PCDHGA5: variants seen among roughly 807,000 people sequenced by gnomAD.
The protein encoded by PCDHGA5 is protocadherin gamma-A5.
PCDHGA5 carries 36 observed loss-of-function variants against 56.7 expected under a neutral mutation model. The observed-to-expected ratio is 0.64, with a 90% CI of 0.49 to 0.84. PCDHGA5 has a LOEUF of 0.84. PCDHGA5 is among the 40% of genes least tolerant of loss of function. The pLI is 0.00. For missense variants in PCDHGA5, 1,305 were observed against 1,201.5 expected (o/e 1.09, Z -1.27); for synonymous variants, 563 against 520.2 (o/e 1.08, Z -1.12).
Position 141,380,667 on chromosome 5 carries a change from T to C in PCDHGA5, c.2421+13916T>C, listed in dbSNP as rs552117625. On this transcript the variant is annotated intron_variant, in intron 1 of 3. Coordinates refer to ENST00000518069, the MANE Select transcript of PCDHGA5 (RefSeq NM_018918.3). Reference sequence around the variant, plus strand: ...AGAGACAATGAAGCCATTTACTCCATAGGGTATGTATGCTTTGTGTTCGGA... The same window carrying C: ...AGAGACAATGAAGCCATTTACTCCACAGGGTATGTATGCTTTGTGTTCGGA... Among the ~76,000 whole-genome samples the C allele has an allele frequency of 2.6e-5, 4 of 152,244 alleles. No homozygotes were observed. The East Asian group carries it at 5.8e-4, about 22-fold the overall frequency.
chr5:141,431,799 T>A lies in PCDHGA5; in HGVS notation c.2422-63008T>A. 6.2e-7 allele frequency: 1 copy of A among 1,614,228 alleles called. No homozygotes were observed. The highest frequency in any genetic ancestry group is 8.5e-7 in the Non-Finnish European group (1 of 1,180,036). On this transcript the variant is annotated intron_variant, in intron 1 of 3. Transcript: ENST00000518069. This position sits in a 1 kb window ranked among gnomAD's most constrained non-coding sequence, Gnocchi z 4.8. ...GACGTGAACGACAATGCCCCAGAAG[T>A]GGTCCTCACCTCTCTCGCCAGCTCG...
intron 1 of PCDHGA5, chr5:141,371,611 C>T (rs561217101): frequency 6.2e-7 from 1 of 1,613,878 alleles, no homozygotes. Flanking sequence ...AGGTTGGTGA[C>T]AGATGGAGCC....
In PCDHGA5 at chr5:141,374,709, G is replaced by T. The variant is rs774211225; in HGVS notation, c.2421+7958G>T. 6.8e-6 allele frequency: 11 copies of T among 1,608,934 alleles called. No individual in the cohort carries two copies. The African/African-American group carries it at 8.0e-5, about 12-fold the overall frequency. On this transcript the variant is annotated intron_variant, in intron 1 of 3. Coordinates refer to ENST00000518069, the MANE Select transcript of PCDHGA5 (RefSeq NM_018918.3). ...GACCGGGAAGGAGAAGCCGTTTACC[G>T]CCTGGTCCTTACTGCCATGGATGGC...
intron 1 of PCDHGA5, chr5:141,408,375 T>C: frequency 6.2e-7 from 1 of 1,613,972 alleles, no homozygotes; most frequent in Non-Finnish European, 8.5e-7. Context: ...GGGCTCAGTG[T>C]CCTGGATGTG....
intron 1 of PCDHGA5, among the ~76,000 whole-genome samples, chr5:141,466,080 C>A (rs1186062704): frequency 6.6e-6 from 1 of 152,108 alleles, no homozygotes; most frequent in East Asian, 1.9e-4. Flanking sequence ...TGATATCATG[C>A]CACTGCACTC....
At chr5:141,500,728 T>C (rs556463739) in intron 2 of PCDHGA5, among the ~76,000 whole-genome samples, 1 of 152,310 alleles carries the variant, frequency 6.6e-6, no homozygotes, top group South Asian at 2.1e-4. Context: ...CCCATGTCTT[T>C]CAAAATTCTT....
intron 1 of PCDHGA5, chr5:141,422,399 T>A: frequency 1.3e-6 from 2 of 1,598,374 alleles, no homozygotes; most frequent in Non-Finnish European, 1.7e-6. Context: ...CCTAACCACC[T>A]GCCTTTTAAA....
At position 141,364,414 on chromosome 5, in the gene PCDHGA5, C is replaced by A. The variant is rs776503621; in HGVS notation, c.84C>A (p.Ser28=). ...TGGGGACGCTGTGCGAGCCAGGATC[C>A]GGGCAGATCCGCTACTCGATGCCGG... is the stretch of plus-strand genomic sequence containing the variant. The part of the protein sequence containing the change: ...MLLGTLCEPG[S]GQIRYSMPEE... Residue 28 remains serine, a synonymous_variant, in exon 1 of 4, where the codon TCC becomes TCA. Coordinates refer to ENST00000518069, the MANE Select transcript of PCDHGA5 (RefSeq NM_018918.3). 8.1e-6 allele frequency: 13 copies of A among 1,612,210 alleles called. No homozygotes were observed. The highest frequency in any genetic ancestry group is 3.3e-5 in the Admixed American group (2 of 59,766).
chr5:141,393,735 G>T, intron 1 of PCDHGA5: 1 of 1,613,858 alleles, frequency 6.2e-7, no homozygotes, highest in Non-Finnish European at 8.5e-7. Context: ...AAAAAGTCTA[G>T]ATTATGAAGA....
chr5:141,485,172 CA>C lies in PCDHGA5; in HGVS notation c.2422-9633del. 6.2e-7 allele frequency: 1 copy of C among 1,610,166 alleles called. No individual in the cohort carries two copies. Among genetic ancestry groups the C allele is most frequent in the Non-Finnish European group, 8.5e-7 (1 of 1,176,940 alleles). On this transcript the variant is annotated intron_variant, in intron 1 of 3. Coordinates refer to ENST00000518069, the MANE Select transcript of PCDHGA5 (RefSeq NM_018918.3). The surrounding 1 kb of genome is among the most constrained non-coding windows in gnomAD (Gnocchi z 5.7). ...CAAGTAGAGAATTAGCGGGCGGCAG[CA>C]ATGCTCCGCAAGGTGAGAAGCTGGA...
In PCDHGA5 at chr5:141,477,362, G is replaced by T. The variant is rs920445601; in HGVS notation, c.2422-17445G>T. 6.2e-7 allele frequency: 1 copy of T among 1,614,142 alleles called. No individual in the cohort carries two copies. The highest frequency in any genetic ancestry group is 1.3e-5 in the African/African-American group (1 of 75,022). On this transcript the variant is annotated intron_variant, in intron 1 of 3. Coordinates refer to ENST00000518069, the MANE Select transcript of PCDHGA5 (RefSeq NM_018918.3). The surrounding 1 kb of genome is among the most constrained non-coding windows in gnomAD (Gnocchi z 4.9). ...CACTTTGAAAACCAGTGCAGACCTG[G>T]ATCGGGAGACTGTGCCAGAATACAA...
rs2099404338 is a variant in PCDHGA5, at chr5:141,477,060, C to T, written c.2422-17747C>T. On this transcript the variant is annotated intron_variant, in intron 1 of 3. Coordinates refer to ENST00000518069, the MANE Select transcript of PCDHGA5 (RefSeq NM_018918.3). This position sits in a 1 kb window ranked among gnomAD's most constrained non-coding sequence, Gnocchi z 4.9. Reference sequence around the variant, plus strand: ...AAGGGTCGGCTGGACTTCGAGGACACCAAACTCCATGAGATTTACATCCAG... The same window carrying T: ...AAGGGTCGGCTGGACTTCGAGGACATCAAACTCCATGAGATTTACATCCAG... 3.7e-6 allele frequency: 6 copies of T among 1,614,256 alleles called. No individual in the cohort carries two copies. The highest frequency in any genetic ancestry group is 5.1e-6 in the Non-Finnish European group (6 of 1,180,046).
chr5:141,373,942 G>C, intron 1 of PCDHGA5: 1 of 734,326 alleles, frequency 1.4e-6, no homozygotes, highest in African/African-American at 1.8e-5. Context: ...CAGGAAAGCT[G>C]TGCAGAAATT....
At chr5:141,446,035 A>G (rs1300621298) in intron 1 of PCDHGA5, among the ~76,000 whole-genome samples, 1 of 152,222 alleles carries the variant, frequency 6.6e-6, no homozygotes, top group Non-Finnish European at 1.5e-5. Context: ...CTGGTAAGAA[A>G]TGGAAGAAGA....
intron 1 of PCDHGA5, among the ~76,000 whole-genome samples, chr5:141,436,839 A>G (rs1247924864): frequency 6.6e-6 from 1 of 152,260 alleles, no homozygotes; most frequent in African/African-American, 2.4e-5. Flanking sequence ...GTGCCTAGGC[A>G]CATTCTTGAT....
chr5:141,479,733 A>G (rs2099504879), intron 1 of PCDHGA5: 1 of 152,254 alleles, frequency 6.6e-6, no homozygotes, highest in Admixed American at 6.5e-5. Context: ...TTTCTTAAGT[A>G]TATGCACAAT....
intron 1 of PCDHGA5, chr5:141,377,280 AT>A (rs1037514714): frequency 2.0e-5 from 3 of 151,272 alleles, no homozygotes; most frequent in East Asian, 1.9e-4. Context: ...GGGAAAAAAA[AT>A]AACCTTAATT....
chr5:141,373,338 G>T (rs1251212812), intron 1 of PCDHGA5, among the ~76,000 whole-genome samples: 1 of 152,166 alleles, frequency 6.6e-6, no homozygotes, highest in Non-Finnish European at 1.5e-5. Context: ...ATCTAAAATG[G>T]CAACTCTTGT....
chr5:141,420,036 G>C, intron 1 of PCDHGA5: 1 of 1,614,078 alleles, frequency 6.2e-7, no homozygotes. Context: ...GCAGGAGACT[G>C]CTTTGAGTCA....
Sources: allele counts gnomAD v4.1 joint callset (sites outside exome capture counted in the v4.1 genomes callset), GRCh38; gene constraint gnomAD v4.1.1; non-coding constraint Gnocchi (gnomAD v3.1); transcripts MANE v1.5; gene names NCBI Gene and HGNC (gene_info 2026-07-23, HGNC 2026-07-21).